The following SLC13A4 variants were observed in gnomAD, a reference collection of about 807,000 sequenced individuals.
The protein encoded by SLC13A4 is Na(+)/sulfate cotransporter SUT-1.
Under a neutral mutation model 72.7 loss-of-function variants are expected in SLC13A4, and 28 were observed. The ratio of observed to expected loss-of-function variants is 0.39; its 90% CI spans 0.29 to 0.53. The LOEUF is 0.53. Among genes scored for constraint, SLC13A4 ranks in the 20% least tolerant of loss-of-function variants. The pLI is 0.78. For synonymous variants in SLC13A4, 312 were observed against 325.5 expected, an observed-to-expected ratio of 0.96 and a Z score of 0.45; for missense variants, 653 against 788.0, an observed-to-expected ratio of 0.83 and a Z score of 2.05.
Position 135,706,131 on chromosome 7 carries a change from T to C in SLC13A4, c.535A>G (p.Ile179Val). The change falls in exon 4 of 16, where the codon ATC (isoleucine) becomes GTC (valine). Residue 179 changes from isoleucine (I) to valine (V), a missense_variant. Transcript: ENST00000682651. Reference protein sequence around the residue: ...GNSNTEEAEPISLDVKNSQPS... With the variant: ...GNSNTEEAEPVSLDVKNSQPS... ...GATGAACTCCAGCAAACTGTACTGATGGGTTCGGCCTCTTCGGTGTTGGAG... is the reference window on the plus strand; with the variant it reads ...GATGAACTCCAGCAAACTGTACTGACGGGTTCGGCCTCTTCGGTGTTGGAG... The C allele has an allele frequency of 6.3e-7, 1 of 1,592,318 alleles. No individual in the cohort carries two copies. Among genetic ancestry groups the C allele is most frequent in the Non-Finnish European group, 8.6e-7 (1 of 1,164,036 alleles).
chr7:135,685,648 C>T lies in SLC13A4; in HGVS notation c.1482G>A (p.Met494Ile), dbSNP rs765617300. ...SGLSTWIGNQMLSLSSLPPWA... is the reference protein window; with the variant it reads ...SGLSTWIGNQILSLSSLPPWA... ...ACGGTGGGAGGCTGCTCAGGGACAA[C>T]ATCTGGTTCCCAATCCATGTAGAGA... The change falls in exon 14 of 16, where the codon ATG becomes ATA. Residue 494 changes from methionine to isoleucine, a missense_variant. Met to Ile is a conservative substitution (Grantham distance 10). Transcript: ENST00000682651. 2 of 1,614,074 alleles carry T rather than the reference C, an allele frequency of 1.2e-6. No homozygotes were observed. Among genetic ancestry groups the T allele is most frequent in the East Asian group, 2.2e-5 (1 of 44,902 alleles).
At chr7:135,719,783 GTGTGTGTGTGTGTGTGTGTA>G (rs1443633071) in intron 2 of SLC13A4, among the ~76,000 whole-genome samples, 2 of 134,894 alleles carry the variant, frequency 1.5e-5, no homozygotes, top group East Asian at 2.1e-4. Context: ...AATGCCACAT[GTGTGTGTGTGTGTGTGTGTA>G]TGTGTGTGTG....
Position 135,702,889 on chromosome 7 carries a change from A to G in SLC13A4, c.594-5T>C, listed in dbSNP as rs747052174. ...GTGAGGTCTGCGTTGGACCTGCTGG[A>G]ACCAAGCAGAGGACACAGGAGCCAC... On this transcript the variant is annotated splice_region_variant and splice_polypyrimidine_tract_variant and intron_variant, in intron 5 of 15. Coordinates refer to ENST00000682651, the MANE Select transcript of SLC13A4 (RefSeq NM_001318192.2). 3.7e-6 allele frequency: 6 copies of G among 1,612,636 alleles called. No homozygotes were observed. In the Admixed American group the frequency reaches 1.0e-4, roughly 27 times the overall value.
intron 1 of SLC13A4, among the ~76,000 whole-genome samples, chr7:135,721,763 G>A (rs1796554985): frequency 6.6e-6 from 1 of 152,206 alleles, no homozygotes; most frequent in Non-Finnish European, 1.5e-5. Context: ...GTTTGCACTG[G>A]TGTGTAGCCA....
At chr7:135,711,982 T>G (rs1796315338) in intron 2 of SLC13A4, among the ~76,000 whole-genome samples, 1 of 128,690 alleles carries the variant, frequency 7.8e-6, no homozygotes, top group Admixed American at 7.8e-5. Context: ...TTTTTTTTTT[T>G]TTTTTTTTTT....
intron 8 of SLC13A4, among the ~76,000 whole-genome samples, chr7:135,696,132 C>T (rs916378426): frequency 1.7e-4 from 26 of 152,076 alleles, no homozygotes; most frequent in South Asian, 2.1e-4. Context: ...TTTGCCTAGA[C>T]GAGGCTCAGG....
chr7:135,694,296 C>A, intron 9 of SLC13A4, 58 bp from the exon 10 acceptor site: 2 of 1,065,618 alleles, frequency 1.9e-6, no homozygotes, highest in East Asian at 2.4e-5. Flanking sequence ...GCCCAGAGAT[C>A]AAATATTAGG....
At chr7:135,686,378 T>G (rs1238476580) in intron 13 of SLC13A4, among the ~76,000 whole-genome samples, 2 of 152,192 alleles carry the variant, frequency 1.3e-5, no homozygotes, top group Admixed American at 1.3e-4. Context: ...CAGGAATTTT[T>G]TTTTAATTAA....
chr7:135,719,839 ACACG>A (rs1194185252), intron 2 of SLC13A4, among the ~76,000 whole-genome samples: 2 of 144,186 alleles, frequency 1.4e-5, no homozygotes, highest in African/African-American at 5.1e-5. Context: ...ATAGCCACAC[ACACG>A]CATATATATA....
At chr7:135,724,700 G>GGACA (rs1796617902) in intron 1 of SLC13A4, among the ~76,000 whole-genome samples, 1 of 152,098 alleles carries the variant, frequency 6.6e-6, no homozygotes, top group South Asian at 2.1e-4. Context: ...GCTGTATTAA[G>GGACA]GACAGGATTA....
chr7:135,714,475 G>A (rs891330866), intron 2 of SLC13A4, among the ~76,000 whole-genome samples: 18 of 152,202 alleles, frequency 1.2e-4, no homozygotes, highest in African/African-American at 1.2e-4. Context: ...GCTTGGTCTC[G>A]AAAGGCTGCA....
chr7:135,718,488 C>T (rs1390451952), intron 2 of SLC13A4, among the ~76,000 whole-genome samples: 1 of 151,970 alleles, frequency 6.6e-6, no homozygotes, highest in Non-Finnish European at 1.5e-5. Context: ...TAGACATAGA[C>T]ATTGTACATC....
At chr7:135,709,406 C>A (rs1584733486) in intron 2 of SLC13A4, among the ~76,000 whole-genome samples, 1 of 127,332 alleles carries the variant, frequency 7.9e-6, no homozygotes, top group African/African-American at 2.8e-5. Context: ...TGTATATTTT[C>A]CTTTCTTTCT....
At chr7:135,718,070 T>TACACACACACACACAC (rs148088162) in intron 2 of SLC13A4, among the ~76,000 whole-genome samples, 1 of 102,456 alleles carries the variant, frequency 9.8e-6, no homozygotes, top group South Asian at 3.3e-4. Flanking sequence ...AGCCAATTCC[T>TACACACACACACACAC]ACACACACAC....
At chr7:135,718,853 T>C (rs1249066071) in intron 2 of SLC13A4, among the ~76,000 whole-genome samples, 1 of 152,136 alleles carries the variant, frequency 6.6e-6, no homozygotes, top group Non-Finnish European at 1.5e-5. Context: ...TAGTGGTGCA[T>C]AGGTGGTTGT....
At chr7:135,686,213 G>A (rs546430347) in intron 13 of SLC13A4, among the ~76,000 whole-genome samples, 13 of 152,286 alleles carry the variant, frequency 8.5e-5, no homozygotes, top group African/African-American at 2.9e-4. Context: ...GCTGAGCACT[G>A]GAGGTTTTAC....
In SLC13A4 at chr7:135,695,433, G is replaced by A. The variant is rs1455009598; in HGVS notation, c.954C>T (p.Phe318=). The change falls in exon 9 of 16, where the codon TTC becomes TTT. Residue 318 remains phenylalanine, a synonymous_variant. Coordinates refer to ENST00000682651, the MANE Select transcript of SLC13A4 (RefSeq NM_001318192.2). ...CCACCAGCATGATGAGGGATATGGG[G>A]AAGCTGAAGAGGAACCAGGTGCCAA... ...VNFGTWFLFS[F]PISLIMLVVS... is the part of the protein sequence containing the mutation. 3 of 1,614,086 alleles carry A rather than the reference G, an allele frequency of 1.9e-6. No homozygotes were observed. Among genetic ancestry groups the A allele is most frequent in the African/African-American group, 2.7e-5 (2 of 74,934 alleles).
intron 8 of SLC13A4, among the ~76,000 whole-genome samples, chr7:135,697,428 C>T (rs1408112371): frequency 1.3e-5 from 2 of 152,260 alleles, no homozygotes; most frequent in African/African-American, 2.4e-5. Flanking sequence ...TTCTAACCTT[C>T]CTGAGACCCA....
At chr7:135,696,983 T>C (rs1382718337) in intron 8 of SLC13A4, among the ~76,000 whole-genome samples, 5 of 152,242 alleles carry the variant, frequency 3.3e-5, no homozygotes, top group Non-Finnish European at 5.9e-5. Context: ...CCGTTAAATA[T>C]GTGAGCTTAA....
Sources: allele counts gnomAD v4.1 joint callset (sites outside exome capture counted in the v4.1 genomes callset), GRCh38; gene constraint gnomAD v4.1.1; transcripts MANE v1.5; gene names NCBI Gene and HGNC (gene_info 2026-07-23, HGNC 2026-07-21).